The following TNRC6B variants were observed in gnomAD, a reference collection of about 807,000 sequenced individuals.
The protein encoded by TNRC6B is trinucleotide repeat-containing gene 6B protein.
In TNRC6B, 52 loss-of-function variants were observed where a neutral mutation model predicts 203.6. The ratio of observed to expected loss-of-function variants is 0.26; its 90% CI spans 0.20 to 0.32. The LOEUF (loss-of-function observed/expected upper bound fraction) is 0.32, where lower values mean the gene tolerates loss of function less well. TNRC6B is among the 10% of genes least tolerant of loss of function. The pLI, the probability that TNRC6B is intolerant of heterozygous loss-of-function variation, is 1.00. For missense variants in TNRC6B, 1,923 were observed against 2,286.2 expected (o/e 0.84, Z 3.24); for synonymous variants, 838 against 845.7 (o/e 0.99, Z 0.16).
intron 1 of TNRC6B, among the ~76,000 whole-genome samples, chr22:40,112,490 G>A (rs1311817714): frequency 6.6e-6 from 1 of 152,180 alleles, no homozygotes; most frequent in Non-Finnish European, 1.5e-5. Context: ...AAGGGAACAG[G>A]AGGACCCGAC....
chr22:40,076,423 C>T (rs888465099), intron 1 of TNRC6B, among the ~76,000 whole-genome samples: 7 of 152,184 alleles, frequency 4.6e-5, no homozygotes, highest in Admixed American at 1.3e-4. Flanking sequence ...TTAGTTGTCT[C>T]AGCTTTTGTT....
intron 3 of TNRC6B, among the ~76,000 whole-genome samples, chr22:40,132,992 T>A (rs2068566301): frequency 1.0e-5 from 1 of 100,138 alleles, no homozygotes; most frequent in African/African-American, 4.1e-5. Flanking sequence ...ATATATATAT[T>A]CTGTAAAATC....
rs2071385154 is a variant in TNRC6B at position 40,324,984 on chromosome 22, T to G, written c.*1743T>G. The G allele has an allele frequency of 6.6e-6, 1 of 152,542 alleles. No homozygotes were observed. The highest frequency in any genetic ancestry group is 1.5e-5 in the Non-Finnish European group (1 of 68,032). The allele number at this position is 152,542 out of a possible 1,614,324, so 9.4% of individuals were successfully genotyped here. A position where few individuals can be genotyped will look rare whatever the true frequency, so the allele number is the denominator to read the frequency against. On this transcript the variant is annotated 3_prime_UTR_variant, in exon 23 of 23. Transcript: ENST00000454349. ...CGGAATCAAAATGTATCAAACTGCT[T>G]ATTGTGAAGAGAATTATAGCAGACC...
At chr22:40,128,846 G>A (rs191653952) in intron 3 of TNRC6B, among the ~76,000 whole-genome samples, 99 of 152,160 alleles carry the variant, frequency 6.5e-4, no homozygotes, top group African/African-American at 1.7e-3. Flanking sequence ...TATTAAGCAC[G>A]TGTTATCATG....
At chr22:40,119,234 C>A (rs2068420495) in intron 2 of TNRC6B, among the ~76,000 whole-genome samples, 1 of 152,216 alleles carries the variant, frequency 6.6e-6, no homozygotes, top group Non-Finnish European at 1.5e-5. Flanking sequence ...CCACCTACCA[C>A]AGGTCACAGA....
chr22:40,069,298 G>T (rs2067926436), intron 1 of TNRC6B, among the ~76,000 whole-genome samples: 1 of 151,422 alleles, frequency 6.6e-6, no homozygotes, highest in Admixed American at 6.6e-5. Context: ...TAGAGCTGGG[G>T]TCTCCCTATG....
Position 40,331,705 on chromosome 22 carries a change from T to C in TNRC6B, c.*8464T>C. 1 of 251,088 alleles carries C rather than the reference T, an allele frequency of 4.0e-6. No homozygotes were observed. 15.6% of individuals were successfully genotyped at this position (251,088 alleles called of 1,614,324 possible). A position where few individuals can be genotyped will look rare whatever the true frequency, so the allele number is the denominator to read the frequency against. The stretch of plus-strand genomic sequence containing the variant: ...AAGTCCCACATGTGGTCATCGTCGC[T>C]TCTTTATGTTGTAAGGTGAATTGTA... On this transcript the variant is annotated 3_prime_UTR_variant, in exon 23 of 23. Transcript: ENST00000454349.
In TNRC6B at chr22:40,334,460, T is replaced by C. The variant is rs539540273; in HGVS notation, c.*11219T>C. On this transcript the variant is annotated 3_prime_UTR_variant, in exon 23 of 23. Transcript: ENST00000454349. ...ACTGTTCCCACTCCTAACTCTCCAC[T>C]ATGTGCTTATAACTTCACATTCTAT... 6.6e-6 allele frequency: 1 copy of C among 152,664 alleles called. No homozygotes were observed. The highest frequency in any genetic ancestry group is 2.4e-5 in the African/African-American group (1 of 41,520). 9.5% of individuals were successfully genotyped at this position (152,664 alleles called of 1,614,324 possible). A position where few individuals can be genotyped will look rare whatever the true frequency, so the allele number is the denominator to read the frequency against.
intron 1 of TNRC6B, among the ~76,000 whole-genome samples, chr22:40,183,178 T>C (rs571411784): frequency 6.6e-6 from 1 of 152,134 alleles, no homozygotes; most frequent in Non-Finnish European, 1.5e-5. Flanking sequence ...ATGGGGATAA[T>C]ATATTGTTGC....
At chr22:40,292,544 C>G (rs1371596322) in intron 12 of TNRC6B, among the ~76,000 whole-genome samples, 4 of 152,148 alleles carry the variant, frequency 2.6e-5, no homozygotes, top group Non-Finnish European at 5.9e-5. Context: ...TGTTAAATGC[C>G]ATATCGATTG....
At chr22:40,310,429 G>A (rs1042999376) in intron 16 of TNRC6B, among the ~76,000 whole-genome samples, 1 of 152,188 alleles carries the variant, frequency 6.6e-6, no homozygotes, top group Non-Finnish European at 1.5e-5. Context: ...ACCTTCTTAT[G>A]TGCTACAAAT....
At chr22:40,095,125 G>A (rs1433079026) in intron 1 of TNRC6B, among the ~76,000 whole-genome samples, 1 of 152,138 alleles carries the variant, frequency 6.6e-6, no homozygotes, top group African/African-American at 2.4e-5. Context: ...TACTCATTCA[G>A]TTATTAGGAT....
chr22:40,240,767 A>G (rs1380350485), intron 1 of TNRC6B, among the ~76,000 whole-genome samples: 1 of 152,218 alleles, frequency 6.6e-6, no homozygotes, highest in African/African-American at 2.4e-5. Flanking sequence ...ATGATCAAGT[A>G]GGACCCACCT....
intron 1 of TNRC6B, among the ~76,000 whole-genome samples, chr22:40,068,582 T>G (rs1294293147): frequency 1.3e-5 from 2 of 151,696 alleles, no homozygotes; most frequent in Non-Finnish European, 2.9e-5. Context: ...CCTCCTGAAG[T>G]GCTGGGATTA....
chr22:40,160,235 G>A (rs2068859819), intron 4 of TNRC6B, among the ~76,000 whole-genome samples: 1 of 152,154 alleles, frequency 6.6e-6, no homozygotes, highest in African/African-American at 2.4e-5. Flanking sequence ...CCAGCACTTT[G>A]GGAGGCTGAG....
chr22:40,103,289 A>G (rs2068255845), intron 1 of TNRC6B, among the ~76,000 whole-genome samples: 1 of 151,104 alleles, frequency 6.6e-6, no homozygotes, highest in African/African-American at 2.4e-5. Context: ...AAAAGTCTAT[A>G]CAGTTGTACC....
intron 1 of TNRC6B, among the ~76,000 whole-genome samples, chr22:40,243,204 TG>T (rs2070056881): frequency 6.6e-6 from 1 of 152,150 alleles, no homozygotes; most frequent in Non-Finnish European, 1.5e-5. Flanking sequence ...GGTGCTAATG[TG>T]CAGCCTAGAT....
intron 1 of TNRC6B, among the ~76,000 whole-genome samples, chr22:40,105,816 C>T (rs947981280): frequency 2.0e-5 from 3 of 152,066 alleles, no homozygotes; most frequent in Non-Finnish European, 2.9e-5. Context: ...GATCATGGGG[C>T]GTATCTGTCT....
chr22:40,063,853 G>A (rs1164867795), intron 1 of TNRC6B, among the ~76,000 whole-genome samples: 1 of 151,904 alleles, frequency 6.6e-6, no homozygotes, highest in African/African-American at 2.4e-5. Flanking sequence ...GAGTTGCACG[G>A]CACCATGCCT....
Sources: allele counts gnomAD v4.1 joint callset (sites outside exome capture counted in the v4.1 genomes callset), GRCh38; gene constraint gnomAD v4.1.1; transcripts MANE v1.5; gene names NCBI Gene and HGNC (gene_info 2026-07-23, HGNC 2026-07-21).